ZNF138: variants seen among roughly 807,000 people sequenced by gnomAD.
ZNF138 encodes the protein zinc finger protein 138, also known as zinc finger protein 138 (clone pHZ-32).
Under a neutral mutation model 33.0 loss-of-function variants are expected in ZNF138, and 33 were observed. That is an observed-to-expected ratio of 1.00 (90% CI 0.76 to 1.34). The LOEUF is 1.34. ZNF138 is among the 40% of genes most tolerant of loss of function. ZNF138 has a pLI of 0.00. For missense variants in ZNF138, 360 were observed against 370.8 expected, an observed-to-expected ratio of 0.97 and a Z score of 0.24; for synonymous variants, 139 against 120.4, an observed-to-expected ratio of 1.15 and a Z score of -1.01.
At chr7:64,795,144 A>G (rs1266583938) in intron 1 of ZNF138, among the ~76,000 whole-genome samples, 2 of 152,210 alleles carry the variant, frequency 1.3e-5, no homozygotes, top group African/African-American at 4.8e-5. Context: ...TGTACAATGA[A>G]GGAGGAAATT....
At chr7:64,815,712 C>A in intron 3 of ZNF138, 59 bp downstream of exon 3, 2 of 1,405,074 alleles carry the variant, frequency 1.4e-6, no homozygotes, top group South Asian at 1.3e-5. Flanking sequence ...AAGGAGAAGA[C>A]CACTCCTTTA....
intron 1 of ZNF138, among the ~76,000 whole-genome samples, chr7:64,799,173 CTTTTT>C (rs199688669): frequency 6.8e-6 from 1 of 147,716 alleles, no homozygotes; most frequent in African/African-American, 2.5e-5. Context: ...CTTTTCTTTT[CTTTTT>C]TTTTTGAGAT....
At position 64,827,390 on chromosome 7, in the gene ZNF138, A is replaced by C. The variant is rs539664220; in HGVS notation, c.209-4061A>C. 4.7e-3 allele frequency among the ~76,000 whole-genome samples: 714 copies of C among 151,956 alleles called. 6 individuals carry two copies. Among genetic ancestry groups the C allele is most frequent in the African/African-American group, 0.015 (630 of 41,426 alleles). On this transcript the variant is annotated intron_variant, in intron 3 of 3. Transcript: ENST00000307355. ...CTCCCGAGTAGCTGGGACTACAGGCACCCGCCACCACGCCTGGCTAATTTT... is the reference window on the plus strand; with the variant it reads ...CTCCCGAGTAGCTGGGACTACAGGCCCCCGCCACCACGCCTGGCTAATTTT...
intron 1 of ZNF138, among the ~76,000 whole-genome samples, chr7:64,803,744 C>T (rs911984031): frequency 6.6e-6 from 1 of 152,102 alleles, no homozygotes; most frequent in Non-Finnish European, 1.5e-5. Flanking sequence ...TGGTTACAGA[C>T]AATTTTTAAA....
At chr7:64,807,559 G>A (rs1787712373) in intron 1 of ZNF138, among the ~76,000 whole-genome samples, 1 of 152,194 alleles carries the variant, frequency 6.6e-6, no homozygotes, top group Non-Finnish European at 1.5e-5. Flanking sequence ...TTTGCCTCCT[G>A]TAACAGTCAA....
At position 64,816,783 on chromosome 7, in the gene ZNF138, A is replaced by G. The variant is rs149442657; in HGVS notation, c.208+1130A>G. On this transcript the variant is annotated intron_variant, in intron 3 of 3. Transcript: ENST00000307355. ...TGCTTGTGATTTTGAAGGAGCAAAC[A>G]CCTCTTCACGTTTTTATATCCTGGT... 5.3e-3 allele frequency among the ~76,000 whole-genome samples: 804 copies of G among 152,136 alleles called. 7 individuals carry two copies. Among genetic ancestry groups the G allele is most frequent in the African/African-American group, 0.018 (755 of 41,500 alleles).
At chr7:64,827,408 C>A (rs1442614815) in intron 3 of ZNF138, among the ~76,000 whole-genome samples, 1 of 151,974 alleles carries the variant, frequency 6.6e-6, no homozygotes, top group Admixed American at 6.6e-5. Flanking sequence ...CCACGCCTGG[C>A]TAATTTTTTG....
At chr7:64,798,558 A>G (rs963465428) in intron 1 of ZNF138, among the ~76,000 whole-genome samples, 5 of 152,162 alleles carry the variant, frequency 3.3e-5, no homozygotes, top group African/African-American at 9.6e-5. Context: ...TTGGGAGGCC[A>G]AGGCGGGTGG....
At chr7:64,834,939 C>T (rs565347994), downstream of ZNF138, among the ~76,000 whole-genome samples, 4 of 152,226 alleles carry the variant, frequency 2.6e-5, no homozygotes, top group East Asian at 5.8e-4. Context: ...GGCCAAGAGG[C>T]GAGACAAAGA....
the ZNF138 span, among the ~76,000 whole-genome samples, chr7:64,854,139 A>C: frequency 6.6e-6 from 1 of 152,238 alleles, no homozygotes; most frequent in Non-Finnish European, 1.5e-5. Context: ...GAATGTATAA[A>C]ATGGTACACA....
chr7:64,859,431 C>G, the ZNF138 span, among the ~76,000 whole-genome samples: 2 of 152,140 alleles, frequency 1.3e-5, no homozygotes, highest in Non-Finnish European at 2.9e-5. Context: ...CAGGCAGTGA[C>G]TCAAACAATT....
At chr7:64,794,604 G>T (rs746255749) in intron 1 of ZNF138, 33 bp downstream of exon 1, 2 of 1,613,170 alleles carry the variant, frequency 1.2e-6, no homozygotes, top group Non-Finnish European at 1.7e-6. Flanking sequence ...CCCGAGAGAG[G>T]GGGAGGGAGC....
intron 1 of ZNF138, among the ~76,000 whole-genome samples, chr7:64,808,321 C>G (rs1364936338): frequency 1.3e-5 from 2 of 152,108 alleles, no homozygotes; most frequent in Admixed American, 1.3e-4. Flanking sequence ...GGTCTGGAGA[C>G]CCAAAGGGAT....
the ZNF138 span, among the ~76,000 whole-genome samples, chr7:64,840,081 A>C: frequency 1.3e-5 from 2 of 152,080 alleles, no homozygotes; most frequent in Non-Finnish European, 2.9e-5. Flanking sequence ...GGGAACAGGA[A>C]AGGTGAACCT....
chr7:64,843,894 G>A, the ZNF138 span, among the ~76,000 whole-genome samples: 139,846 of 151,966 alleles, frequency 0.92, 65,459 homozygotes, highest in Non-Finnish European at 1. Context: ...GTGTGACCTT[G>A]GCTCACTGCG....
intron 3 of ZNF138, chr7:64,830,893 T>C (rs1790027840): frequency 2.0e-6 from 3 of 1,509,514 alleles, no homozygotes; most frequent in Non-Finnish European, 2.7e-6. Context: ...TGTTTCATCT[T>C]AATAGTCAGT....
Position 64,815,001 on chromosome 7 carries a change from T to C in ZNF138, c.87T>C (p.Tyr29=). 6.2e-7 allele frequency: 1 copy of C among 1,613,058 alleles called. No homozygotes were observed. Among genetic ancestry groups the C allele is most frequent in the South Asian group, 1.1e-5 (1 of 91,038 alleles). Residue 29 remains tyrosine, a synonymous_variant, in exon 2 of 4, where the codon TAT becomes TAC. Transcript: ENST00000307355. ...TGGACACTGCACAGCGGAATGTATATAGGCATGTGATGTTAGAGAACTACA... is the reference window on the plus strand; with the variant it reads ...TGGACACTGCACAGCGGAATGTATACAGGCATGTGATGTTAGAGAACTACA... ...QCLDTAQRNV[Y]RHVMLENYRN...
rs185669928 is a variant in ZNF138, at chr7:64,815,503, G to A, written c.131-73G>A. On this transcript the variant is annotated intron_variant, in intron 2 of 3. Coordinates refer to ENST00000307355, the MANE Select transcript of ZNF138 (RefSeq NM_001271639.2). ...TCTTTACTGAGCACATTACTAGGTT[G>A]GTAATTGGAGAATATGAGCCAGAGT... 88 of 1,335,706 alleles carry A rather than the reference G, an allele frequency of 6.6e-5. 1 individual carries two copies. The East Asian group carries it at 2.1e-3, about 32-fold the overall frequency. 82.7% of individuals were successfully genotyped at this position (1,335,706 alleles called of 1,614,324 possible). A position where few individuals can be genotyped will look rare whatever the true frequency, so the allele number is the denominator to read the frequency against.
the ZNF138 span, among the ~76,000 whole-genome samples, chr7:64,848,760 T>C: frequency 3.4e-5 from 5 of 147,944 alleles, no homozygotes; most frequent in Non-Finnish European, 7.4e-5. Flanking sequence ...GCTGGAGTGC[T>C]GTGGCATGAT....
Sources: allele counts gnomAD v4.1 joint callset (sites outside exome capture counted in the v4.1 genomes callset), GRCh38; gene constraint gnomAD v4.1.1; transcripts MANE v1.5; gene names NCBI Gene and HGNC (gene_info 2026-07-23, HGNC 2026-07-21).